KIAA0825: variants seen among roughly 807,000 people sequenced by gnomAD.
KIAA0825 encodes the protein uncharacterized protein KIAA0825.
Under a neutral mutation model 147.6 loss-of-function variants are expected in KIAA0825, and 119 were observed. The ratio of observed to expected loss-of-function variants is 0.81; its 90% CI spans 0.69 to 0.94. The LOEUF is 0.94. Among genes scored for constraint, KIAA0825 ranks in the 40% least tolerant of loss-of-function variants. The probability of loss-of-function intolerance (pLI) is 0.00; values close to 1 mark genes in which losing one functional copy is unlikely to be tolerated. For missense variants in KIAA0825, 1,381 were observed against 1,472.7 expected, an observed-to-expected ratio of 0.94 and a Z score of 1.02; for synonymous variants, 470 against 518.1, an observed-to-expected ratio of 0.91 and a Z score of 1.26.
intron 18 of KIAA0825, among the ~76,000 whole-genome samples, chr5:94,390,937 A>G (rs1189273990): frequency 6.6e-6 from 1 of 152,256 alleles, no homozygotes; most frequent in African/African-American, 2.4e-5. Context: ...ACTTTGTTTC[A>G]AGTAAATAGC....
intron 20 of KIAA0825, among the ~76,000 whole-genome samples, chr5:94,236,433 T>A (rs985803291): frequency 1.3e-5 from 2 of 152,306 alleles, no homozygotes; most frequent in African/African-American, 4.8e-5. Context: ...AGGAGTTGAT[T>A]CTTATGAATG....
chr5:94,523,794 G>A, intron 4 of KIAA0825, 136 bp downstream of exon 4: 1 of 492,722 alleles, frequency 2.0e-6, no homozygotes, highest in Non-Finnish European at 3.5e-6. Flanking sequence ...TGGGGATATA[G>A]GAACATAAAA....
chr5:94,594,160 A>G, intron 1 of KIAA0825: 1 of 560,840 alleles, frequency 1.8e-6, no homozygotes, highest in Non-Finnish European at 3.6e-6. Flanking sequence ...GGTAATTTTA[A>G]TATCAAATTC....
chr5:94,312,483 C>G (rs1584076065), intron 20 of KIAA0825, among the ~76,000 whole-genome samples: 2 of 151,604 alleles, frequency 1.3e-5, no homozygotes, highest in East Asian at 3.9e-4. Context: ...CCAAAGGAGC[C>G]ATTGTTGTCT....
In KIAA0825 at chr5:94,559,351, A is replaced by G. The variant is rs147471450; in HGVS notation, c.-1-22224T>C. Among the ~76,000 whole-genome samples the G allele has an allele frequency of 2.2e-3, 338 of 152,294 alleles. 1 individual carries two copies. Among genetic ancestry groups the G allele is most frequent in the African/African-American group, 7.5e-3 (312 of 41,570 alleles). On this transcript the variant is annotated intron_variant, in intron 2 of 20. Transcript: ENST00000682413. Reference sequence around the variant, plus strand: ...TAACTGTTGATCTTTACTATAGATTAACTTCCCTCTTACGTTTTCTATGCA... The same window carrying G: ...TAACTGTTGATCTTTACTATAGATTGACTTCCCTCTTACGTTTTCTATGCA...
intron 20 of KIAA0825, 88 bp from the exon 21 acceptor site, chr5:94,154,212 G>T: frequency 1.2e-6 from 1 of 803,462 alleles, no homozygotes; most frequent in Non-Finnish European, 2.1e-6. Context: ...ATGTAATCTT[G>T]GCTTATTGAG....
At chr5:94,362,619 T>TGAGAAGATCACAGAGGAGGGGAAGA (rs1562417783) in intron 20 of KIAA0825, among the ~76,000 whole-genome samples, 1 of 139,654 alleles carries the variant, frequency 7.2e-6, no homozygotes, top group Admixed American at 7.1e-5. Context: ...TCTACTGTAC[T>TGAGAAGATCACAGAGGAGGGGAAGA]TATATGGTAA....
chr5:94,506,978 G>A (rs1225064612), intron 5 of KIAA0825, among the ~76,000 whole-genome samples: 1 of 152,000 alleles, frequency 6.6e-6, no homozygotes, highest in Admixed American at 6.6e-5. Context: ...CATAGAACTC[G>A]TAATTGCATT....
intron 20 of KIAA0825, among the ~76,000 whole-genome samples, chr5:94,357,748 C>T (rs1421755768): frequency 6.6e-6 from 1 of 152,130 alleles, no homozygotes; most frequent in African/African-American, 2.4e-5. Context: ...TAACTGCAGT[C>T]CTGCCATGGT....
intron 20 of KIAA0825, among the ~76,000 whole-genome samples, chr5:94,184,699 A>T (rs1769967524): frequency 6.6e-6 from 1 of 152,216 alleles, no homozygotes; most frequent in Non-Finnish European, 1.5e-5. Context: ...AAATGCATAT[A>T]TTTATATATA....
chr5:94,243,617 G>T (rs1045895139), intron 20 of KIAA0825, among the ~76,000 whole-genome samples: 13 of 152,242 alleles, frequency 8.5e-5, no homozygotes, highest in African/African-American at 3.1e-4. Context: ...TTAAATGAAT[G>T]CACAATTCCC....
At position 94,440,136 on chromosome 5, in the gene KIAA0825, G is replaced by T. The variant is rs1409822859; in HGVS notation, c.2358-15C>A. The T allele has an allele frequency of 6.5e-7, 1 of 1,549,660 alleles. No individual in the cohort carries two copies. The highest frequency in any genetic ancestry group is 8.7e-7 in the Non-Finnish European group (1 of 1,146,026). ...CTGATGGAGTCCTTTCAAAATGCAA[G>T]ATAAAGATGGAGTAATGAAGTTAAT... On this transcript the variant is annotated splice_polypyrimidine_tract_variant and intron_variant, in intron 13 of 20. Coordinates refer to ENST00000682413, the MANE Select transcript of KIAA0825 (RefSeq NM_001145678.3).
chr5:94,370,565 T>C (rs1182115431), intron 20 of KIAA0825, among the ~76,000 whole-genome samples: 1 of 152,164 alleles, frequency 6.6e-6, no homozygotes, highest in Non-Finnish European at 1.5e-5. Flanking sequence ...TGAGTTAAAT[T>C]CTATATTTAC....
intron 20 of KIAA0825, among the ~76,000 whole-genome samples, chr5:94,182,134 A>G (rs913478684): frequency 2.0e-5 from 3 of 151,410 alleles, no homozygotes; most frequent in South Asian, 4.2e-4. Flanking sequence ...TGGGACCTTC[A>G]GCGCACCCTA....
intron 2 of KIAA0825, among the ~76,000 whole-genome samples, chr5:94,563,709 G>C (rs1376160597): frequency 6.6e-6 from 1 of 152,088 alleles, no homozygotes; most frequent in Non-Finnish European, 1.5e-5. Flanking sequence ...TTTTGAGACA[G>C]AGTTCCACTG....
At chr5:94,271,766 A>C (rs1410326015) in intron 20 of KIAA0825, among the ~76,000 whole-genome samples, 1 of 152,050 alleles carries the variant, frequency 6.6e-6, no homozygotes, top group Non-Finnish European at 1.5e-5. Flanking sequence ...AACAAACAAA[A>C]AAACCTAAAA....
intron 20 of KIAA0825, among the ~76,000 whole-genome samples, chr5:94,292,998 CTCT>C (rs895607042): frequency 2.0e-5 from 3 of 151,538 alleles, no homozygotes; most frequent in African/African-American, 7.3e-5. Context: ...TGATTCTTCT[CTCT>C]TTTTTTCTTT....
At chr5:94,563,005 C>T (rs1400923122) in intron 2 of KIAA0825, among the ~76,000 whole-genome samples, 1 of 152,038 alleles carries the variant, frequency 6.6e-6, no homozygotes, top group Admixed American at 6.6e-5. Context: ...CCCGTAGACA[C>T]TATTGAGAAA....
chr5:94,311,770 T>C (rs910392739), intron 20 of KIAA0825, among the ~76,000 whole-genome samples: 1 of 151,750 alleles, frequency 6.6e-6, no homozygotes, highest in African/African-American at 2.4e-5. Flanking sequence ...CATCTTTCAC[T>C]CTGCAGATAA....
Sources: gnomAD v4.1 joint callset for allele counts (sites outside exome capture counted in the v4.1 genomes callset) on GRCh38, gnomAD v4.1.1 for gene constraint, MANE v1.5 for transcripts, NCBI Gene and HGNC (gene_info 2026-07-23, HGNC 2026-07-21) for gene names.